SAV1: variants seen among roughly 807,000 people sequenced by gnomAD.
SAV1 encodes the protein salvador family WW domain containing protein 1.
Under a neutral mutation model 47.3 loss-of-function variants are expected in SAV1, and 23 were observed. The ratio of observed to expected loss-of-function variants is 0.49; its 90% CI spans 0.35 to 0.69. The LOEUF (loss-of-function observed/expected upper bound fraction) is 0.69, where lower values mean the gene tolerates loss of function less well. Ranked by LOEUF, SAV1 falls within the 30% of genes least tolerant of loss-of-function variation. The pLI, the probability that SAV1 is intolerant of heterozygous loss-of-function variation, is 0.01. For missense variants in SAV1, 448 were observed against 457.4 expected (o/e 0.98, Z 0.19); for synonymous variants, 155 against 159.2 (o/e 0.97, Z 0.20).
chr14:50,638,491 T>C (rs2039654728), intron 4 of SAV1, among the ~76,000 whole-genome samples: 1 of 152,186 alleles, frequency 6.6e-6, no homozygotes, highest in African/African-American at 2.4e-5. Context: ...GCATGCTGAC[T>C]TCAAGATCAA....
At chr14:50,666,168 A>G (rs1238278991) in intron 1 of SAV1, among the ~76,000 whole-genome samples, 1 of 152,198 alleles carries the variant, frequency 6.6e-6, no homozygotes, top group African/African-American at 2.4e-5. Flanking sequence ...ATTACCTAGC[A>G]CTAGCACAGT....
In SAV1 at chr14:50,635,228, C is replaced by G. The variant is rs776033366; in HGVS notation, c.1107G>C (p.Lys369Asn). The G allele has an allele frequency of 3.1e-6, 5 of 1,614,114 alleles. No homozygotes were observed. The highest frequency in any genetic ancestry group is 3.4e-6 in the Non-Finnish European group (4 of 1,180,016). Reference protein sequence around the residue: ...QALLTELENRKQRQQWYAQQH... With the variant: ...QALLTELENRNQRQQWYAQQH... ...GTTGGGCATACCACTGCTGTCTCTG[C>G]TTTCGGTTTTCCAACTCTGTAAGAA... Residue 369 changes from lysine to asparagine, a missense_variant, in exon 5 of 5, where the codon AAG (lysine) becomes AAC (asparagine). Lys to Asn is a moderately conservative substitution (Grantham distance 94). Coordinates refer to ENST00000324679, the MANE Select transcript of SAV1 (RefSeq NM_021818.4).
At chr14:50,656,440 ATTTT>A (rs11288683) in intron 2 of SAV1, among the ~76,000 whole-genome samples, 22 of 120,592 alleles carry the variant, frequency 1.8e-4, no homozygotes, top group South Asian at 5.4e-4. Flanking sequence ...CCCCAACTGT[ATTTT>A]TTTTTTTTTT....
At chr14:50,642,680 A>G (rs931319304) in intron 3 of SAV1, among the ~76,000 whole-genome samples, 2 of 152,154 alleles carry the variant, frequency 1.3e-5, no homozygotes. Flanking sequence ...CAATGGGGAG[A>G]AAAAAATGCA....
rs1196256624 is a variant in SAV1, at chr14:50,634,043, C to CA, written c.*1139dup. On this transcript the variant is annotated 3_prime_UTR_variant, in exon 5 of 5. Coordinates refer to ENST00000324679, the MANE Select transcript of SAV1 (RefSeq NM_021818.4). ...AATAATATACATTCGATTTAATGAC[C>CA]AAAAATTTTTTTTGAATCCCTGGTT... 1.7e-5 allele frequency: 5 copies of CA among 290,902 alleles called. No homozygotes were observed. The highest frequency in any genetic ancestry group is 3.6e-5 in the Non-Finnish European group (5 of 138,234). The allele number at this position is 290,902 out of a possible 1,614,324, so 18.0% of individuals were successfully genotyped here.
intron 2 of SAV1, among the ~76,000 whole-genome samples, chr14:50,650,275 T>C (rs752914156): frequency 2.0e-5 from 3 of 152,226 alleles, no homozygotes; most frequent in Non-Finnish European, 2.9e-5. Flanking sequence ...TGTCCAATAA[T>C]AGCAAACTGG....
At chr14:50,653,042 G>GA (rs1205737093) in intron 2 of SAV1, among the ~76,000 whole-genome samples, 21 of 147,190 alleles carry the variant, frequency 1.4e-4, no homozygotes, top group South Asian at 2.2e-4. Flanking sequence ...AAAAGAAATT[G>GA]AAAAAAAAAT....
At chr14:50,667,787 C>T (rs1267162756) in intron 1 of SAV1, 87 bp downstream of exon 1, 4 of 1,000,190 alleles carry the variant, frequency 4.0e-6, no homozygotes, top group African/African-American at 1.6e-5. Context: ...AAGGAGAAGC[C>T]CTGGAGACCC....
At chr14:50,657,206 T>C (rs1207334629) in intron 2 of SAV1, among the ~76,000 whole-genome samples, 1 of 152,102 alleles carries the variant, frequency 6.6e-6, no homozygotes, top group Non-Finnish European at 1.5e-5. Flanking sequence ...AGCTAATTTT[T>C]GTATTTTTAG....
At chr14:50,666,781 TAA>T (rs780489912) in intron 1 of SAV1, among the ~76,000 whole-genome samples, 5 of 137,094 alleles carry the variant, frequency 3.6e-5, no homozygotes, top group African/African-American at 5.3e-5. Context: ...ATCAAGTTGT[TAA>T]AAAAAAAAAA....
chr14:50,635,207 G>A lies in SAV1; in HGVS notation c.1128C>T (p.Ala376=). 6.2e-7 allele frequency: 1 copy of A among 1,613,596 alleles called. No individual in the cohort carries two copies. The highest frequency in any genetic ancestry group is 8.5e-7 in the Non-Finnish European group (1 of 1,179,828). The change falls in exon 5 of 5, where the codon GCC becomes GCT. Residue 376 remains alanine (A), a synonymous_variant. Transcript: ENST00000324679. ...ENRKQRQQWY[A]QQHGKNF is the part of the protein sequence containing the mutation. ...CTCAAAAATTTTTTCCATGTTGTTG[G>A]GCATACCACTGCTGTCTCTGCTTTC... is the stretch of plus-strand genomic sequence containing the variant.
intron 2 of SAV1, among the ~76,000 whole-genome samples, chr14:50,653,164 TACA>T (rs1445442566): frequency 6.6e-6 from 1 of 151,886 alleles, no homozygotes; most frequent in Non-Finnish European, 1.5e-5. Context: ...ACTAAAGACA[TACA>T]ACAATGAAAT....
chr14:50,634,922 CG>C lies in SAV1; in HGVS notation c.*260del. On this transcript the variant is annotated 3_prime_UTR_variant, in exon 5 of 5. Coordinates refer to ENST00000324679, the MANE Select transcript of SAV1 (RefSeq NM_021818.4). ...TCTGTTCATAATGACATTTCCGCTG[CG>C]TTTTTTTCCATCAAGAATACCAAAA... 5 of 361,400 alleles carry C rather than the reference CG, an allele frequency of 1.4e-5. No individual in the cohort carries two copies. Among genetic ancestry groups the C allele is most frequent in the Non-Finnish European group, 2.0e-5 (4 of 200,374 alleles). 22.4% of individuals were successfully genotyped at this position (361,400 alleles called of 1,614,324 possible). A position where few individuals can be genotyped will look rare whatever the true frequency, so the allele number is the denominator to read the frequency against.
At chr14:50,646,993 T>C (rs140617638) in intron 2 of SAV1, among the ~76,000 whole-genome samples, 1 of 152,168 alleles carries the variant, frequency 6.6e-6, no homozygotes, top group Non-Finnish European at 1.5e-5. Flanking sequence ...GAAAGGGCAA[T>C]AGCGGGGAAA....
chr14:50,641,908 C>T (rs2039683196), intron 3 of SAV1, among the ~76,000 whole-genome samples: 1 of 152,140 alleles, frequency 6.6e-6, no homozygotes, highest in South Asian at 2.1e-4. Flanking sequence ...AACACGTGTG[C>T]ACATGTTAAT....
intron 2 of SAV1, among the ~76,000 whole-genome samples, chr14:50,653,925 C>T (rs1235710782): frequency 6.6e-6 from 1 of 151,596 alleles, no homozygotes; most frequent in African/African-American, 2.4e-5. Flanking sequence ...TGTGCAATAG[C>T]ATTATATCTT....
intron 2 of SAV1, among the ~76,000 whole-genome samples, chr14:50,659,896 G>A (rs1005861063): frequency 6.6e-6 from 1 of 152,090 alleles, no homozygotes. Context: ...AGATCACACA[G>A]ACCCCCTTGA....
At chr14:50,656,240 A>G (rs938505627) in intron 2 of SAV1, among the ~76,000 whole-genome samples, 3 of 152,170 alleles carry the variant, frequency 2.0e-5, no homozygotes, top group Admixed American at 1.3e-4. Flanking sequence ...TATTTAAAGG[A>G]AGCACAAAGA....
intron 1 of SAV1, 80 bp from the exon 2 acceptor site, chr14:50,665,699 C>T (rs1243256181): frequency 1.7e-5 from 21 of 1,250,536 alleles, no homozygotes; most frequent in Admixed American, 2.9e-5. Flanking sequence ...TTATGTCTAC[C>T]ACCCCAAAAT....
Sources: gnomAD v4.1 joint callset for allele counts (sites outside exome capture counted in the v4.1 genomes callset) on GRCh38, gnomAD v4.1.1 for gene constraint, MANE v1.5 for transcripts, NCBI Gene and HGNC (gene_info 2026-07-23, HGNC 2026-07-21) for gene names.